ZSWIM8: variants seen among roughly 807,000 people sequenced by gnomAD.
ZSWIM8 encodes zinc finger SWIM-type containing 8.
A neutral mutation model predicts 173.7 loss-of-function variants in ZSWIM8; 27 were observed. The observed-to-expected ratio is 0.16, with a 90% CI of 0.11 to 0.21. The LOEUF (loss-of-function observed/expected upper bound fraction) is 0.21, where lower values mean the gene tolerates loss of function less well. Ranked by LOEUF, ZSWIM8 falls within the 10% of genes least tolerant of loss-of-function variation. ZSWIM8 has a pLI of 1.00. For missense variants in ZSWIM8, 1,627 were observed against 2,428.8 expected (o/e 0.67, Z 6.94); for synonymous variants, 958 against 962.0 (o/e 1.00, Z 0.08).
Position 73,801,791 on chromosome 10 carries a change from C to G in ZSWIM8, c.*272C>G, listed in dbSNP as rs1302425427. The G allele has an allele frequency of 6.5e-6, 9 of 1,389,370 alleles. No individual in the cohort carries two copies. The highest frequency in any genetic ancestry group is 8.5e-6 in the Non-Finnish European group (9 of 1,058,944). The allele number at this position is 1,389,370 out of a possible 1,614,324, so 86.1% of individuals were successfully genotyped here. On this transcript the variant is annotated 3_prime_UTR_variant, in exon 26 of 26. Coordinates refer to ENST00000604729, the MANE Select transcript of ZSWIM8 (RefSeq NM_001367799.1). The surrounding 1 kb of genome is among the most constrained non-coding windows in gnomAD (Gnocchi z 4.9). ...TAAATATATAAACTCCTTTTTTACT[C>G]TAGTCGACCTGGGCCTTTCCCTTCT... is the stretch of plus-strand genomic sequence containing the variant.
At chr10:73,795,795 C>CA (rs1486762815) in intron 15 of ZSWIM8, 132 bp downstream of exon 15, 6 of 945,914 alleles carry the variant, frequency 6.3e-6, no homozygotes, top group Non-Finnish European at 7.5e-6. Flanking sequence ...CCGTCTCTAC[C>CA]AAAAAATACA....
Position 73,794,593 on chromosome 10 carries a change from A to G in ZSWIM8, c.2862A>G (p.Thr954=), listed in dbSNP as rs1285300717. The change falls in exon 14 of 26, where the codon ACA becomes ACG. Residue 954 remains threonine, a synonymous_variant. Transcript: ENST00000604729. ...RPPSRNWNSE[T]PGDEELGFEA... ...CAAGTCGCAACTGGAACAGCGAGAC[A>G]CCTGGGGATGAGGAGCTTGGATTTG... is the stretch of plus-strand genomic sequence containing the variant. The G allele has an allele frequency of 1.3e-6, 2 of 1,558,312 alleles. No homozygotes were observed. Among genetic ancestry groups the G allele is most frequent in the Non-Finnish European group, 8.7e-7 (1 of 1,150,374 alleles).
chr10:73,788,781 G>A lies in ZSWIM8; in HGVS notation c.320G>A (p.Arg107Gln), dbSNP rs2083310644. The A allele has an allele frequency of 1.2e-6, 2 of 1,613,908 alleles. No homozygotes were observed. The highest frequency in any genetic ancestry group is 1.7e-6 in the Non-Finnish European group (2 of 1,179,880). Residue 107 changes from arginine to glutamine, a missense_variant, in exon 2 of 26, where the codon CGA becomes CAA. Physicochemically the swap from Arg to Gln is conservative, Grantham distance 43. Transcript: ENST00000604729. ...CCAGTGCCTGAGCAGCTACAGCTCC[G>A]AATTGCTTTTTGGAGCTTCCCTGAG... ...YPPVPEQLQL[R>Q]IAFWSFPENE... is the part of the protein sequence containing the mutation.
Position 73,792,139 on chromosome 10 carries a change from C to T in ZSWIM8, c.1600C>T (p.Leu534Phe), listed in dbSNP as rs969642940. 6.5e-7 allele frequency: 1 copy of T among 1,532,528 alleles called. No individual in the cohort carries two copies. The highest frequency in any genetic ancestry group is 1.3e-5 in the South Asian group (1 of 78,772). 94.9% of individuals were successfully genotyped at this position (1,532,528 alleles called of 1,614,324 possible). A position where few individuals can be genotyped will look rare whatever the true frequency, so the allele number is the denominator to read the frequency against. The change falls in exon 10 of 26, where the codon CTT (leucine) becomes TTT (phenylalanine). Residue 534 changes from leucine (L) to phenylalanine (F), a missense_variant. By Grantham distance (22) the Leu-to-Phe change is conservative. Around this residue, in one of 18 missense-constraint regions of ZSWIM8, gnomAD observed 383 missense variants for 394.8 expected, o/e 0.97. Coordinates refer to ENST00000604729, the MANE Select transcript of ZSWIM8 (RefSeq NM_001367799.1). This position sits in a 1 kb window ranked among gnomAD's most constrained non-coding sequence, Gnocchi z 4.3. ...GGAATCCCGGGACCGGCCCCGACCCCTTCCTACTGAGCCAGCTGTGCGGCC... is the reference window on the plus strand; with the variant it reads ...GGAATCCCGGGACCGGCCCCGACCCTTTCCTACTGAGCCAGCTGTGCGGCC... ...LEESRDRPRP[L>F]PTEPAVRPKE...
chr10:73,800,946 G>A lies in ZSWIM8; in HGVS notation c.5123-71G>A. The A allele has an allele frequency of 2.8e-6, 4 of 1,443,554 alleles. No individual in the cohort carries two copies. Among genetic ancestry groups the A allele is most frequent in the Non-Finnish European group, 3.8e-6 (4 of 1,065,598 alleles). The allele number at this position is 1,443,554 out of a possible 1,614,324, so 89.4% of individuals were successfully genotyped here. ...GGAGGCTCTCTGCCAGGCCAGAGCT[G>A]AGATCTGTAAGTTGGGTCCCTAGGG... On this transcript the variant is annotated intron_variant, in intron 24 of 25. Transcript: ENST00000604729. The surrounding 1 kb of genome is among the most constrained non-coding windows in gnomAD (Gnocchi z 4.1).
rs781732357 is a variant in ZSWIM8 at position 73,800,719 on chromosome 10, T to C, written c.5082T>C (p.Thr1694=). The part of the protein sequence containing the change: ...PNNFSRSPPY[T]DDVKWLLGLA... ...ACTTCTCCCGCTCCCCCCCCTACAC[T>C]GATGATGTCAAATGGTTGCTGGGGC... The change falls in exon 24 of 26, where the codon ACT becomes ACC. Residue 1694 remains threonine, a synonymous_variant. Transcript: ENST00000604729. The surrounding 1 kb of genome is among the most constrained non-coding windows in gnomAD (Gnocchi z 4.1). The C allele has an allele frequency of 4.3e-6, 7 of 1,612,578 alleles. No individual in the cohort carries two copies. Among genetic ancestry groups the C allele is most frequent in the Non-Finnish European group, 5.9e-6 (7 of 1,179,358 alleles).
Position 73,785,826 on chromosome 10 carries a change from G to T in ZSWIM8, c.-53G>T, listed in dbSNP as rs1253699029. ...GCCTCCCCTCAACCCCCGGCCGGCGGCCCAGGCCCCGGATCCGCGGGGGGG... is the reference window on the plus strand; with the variant it reads ...GCCTCCCCTCAACCCCCGGCCGGCGTCCCAGGCCCCGGATCCGCGGGGGGG... On this transcript the variant is annotated 5_prime_UTR_variant, in exon 1 of 26. Coordinates refer to ENST00000604729, the MANE Select transcript of ZSWIM8 (RefSeq NM_001367799.1). 6.8e-7 allele frequency: 1 copy of T among 1,461,968 alleles called. No homozygotes were observed. The highest frequency in any genetic ancestry group is 9.0e-7 in the Non-Finnish European group (1 of 1,105,444). 90.6% of individuals were successfully genotyped at this position (1,461,968 alleles called of 1,614,324 possible).
chr10:73,788,964 C>T, intron 2 of ZSWIM8, 132 bp from the exon 3 acceptor site: 1 of 516,350 alleles, frequency 1.9e-6, no homozygotes, highest in Non-Finnish European at 3.4e-6. Flanking sequence ...GGATTCCACT[C>T]CCTCCCCCCC....
In ZSWIM8 at chr10:73,799,010, G is replaced by A; in HGVS notation, c.4185G>A (p.Leu1395=). ...GTGCCCCTCTCTTCCAGGACAACCT[G>A]ATGTTGGAGAAGGCCTGCATGGCAG... ...ALVQCKEQDN[L]MLEKACMAVE... The change falls in exon 21 of 26, where the codon CTG becomes CTA. Residue 1395 remains leucine, a synonymous_variant. Transcript: ENST00000604729. 1.2e-6 allele frequency: 2 copies of A among 1,608,514 alleles called. No individual in the cohort carries two copies. The highest frequency in any genetic ancestry group is 8.5e-7 in the Non-Finnish European group (1 of 1,176,200).
rs745642328 is a variant in ZSWIM8, at chr10:73,792,127, C to T, written c.1588C>T (p.Arg530Trp). ...RSGGLEESRDRPRPLPTEPAV... is the reference protein window; with the variant it reads ...RSGGLEESRDWPRPLPTEPAV... Reference sequence around the variant, plus strand: ...TGGGGGCCTGGAGGAATCCCGGGACCGGCCCCGACCCCTTCCTACTGAGCC... The same window carrying T: ...TGGGGGCCTGGAGGAATCCCGGGACTGGCCCCGACCCCTTCCTACTGAGCC... The change falls in exon 10 of 26, where the codon CGG becomes TGG. Residue 530 changes from arginine to tryptophan, a missense_variant. Transcript: ENST00000604729. This position sits in a 1 kb window ranked among gnomAD's most constrained non-coding sequence, Gnocchi z 4.3. 5 of 1,524,918 alleles carry T rather than the reference C, an allele frequency of 3.3e-6. No homozygotes were observed. Among genetic ancestry groups the T allele is most frequent in the East Asian group, 2.3e-5 (1 of 42,696 alleles). The allele number at this position is 1,524,918 out of a possible 1,614,324, so 94.5% of individuals were successfully genotyped here. A position where few individuals can be genotyped will look rare whatever the true frequency, so the allele number is the denominator to read the frequency against.
intron 19 of ZSWIM8, 70 bp downstream of exon 19, chr10:73,798,140 G>T: frequency 6.3e-7 from 1 of 1,593,258 alleles, no homozygotes; most frequent in Non-Finnish European, 8.6e-7. Context: ...TTATCTTTGT[G>T]GGGTTACTGA....
chr10:73,788,240 T>TAA (rs71482558), intron 1 of ZSWIM8, among the ~76,000 whole-genome samples: 29 of 135,444 alleles, frequency 2.1e-4, no homozygotes, highest in African/African-American at 7.7e-4. Flanking sequence ...AAGGGATGGT[T>TAA]AAAAAAAAAA....
In ZSWIM8 at chr10:73,793,891, C is replaced by T. The variant is rs1287619130; in HGVS notation, c.2472C>T (p.Ser824=). ...GCAAGAAGAACAAGGTATCCACGAG[C>T]CGTCAGACCTGGGTGGCTACCAACA... ...AKGKKNKVST[S]RQTWVATNTL... The change falls in exon 12 of 26, where the codon AGC becomes AGT. Residue 824 remains serine, a synonymous_variant. Coordinates refer to ENST00000604729, the MANE Select transcript of ZSWIM8 (RefSeq NM_001367799.1). 2 of 1,611,204 alleles carry T rather than the reference C, an allele frequency of 1.2e-6. No individual in the cohort carries two copies. The highest frequency in any genetic ancestry group is 1.7e-6 in the Non-Finnish European group (2 of 1,178,978).
chr10:73,790,402 T>G (rs993414450), intron 7 of ZSWIM8, 110 bp downstream of exon 7: 33 of 1,462,876 alleles, frequency 2.3e-5, no homozygotes, highest in Non-Finnish European at 2.8e-5. Context: ...TTTTATTCCC[T>G]GAACTGGCAC....
rs2083404618 is a variant in ZSWIM8 at position 73,791,234 on chromosome 10, C to T, written c.1143+58C>T. The T allele has an allele frequency of 1.9e-6, 3 of 1,568,548 alleles. No individual in the cohort carries two copies. Among genetic ancestry groups the T allele is most frequent in the Non-Finnish European group, 2.6e-6 (3 of 1,151,354 alleles). ...GCTCATTCTTTCCCTCCCCCTGCCTCATCCTCCTCTTGCTGAAATGGACTC... is the reference window on the plus strand; with the variant it reads ...GCTCATTCTTTCCCTCCCCCTGCCTTATCCTCCTCTTGCTGAAATGGACTC... On this transcript the variant is annotated intron_variant, in intron 8 of 25. Coordinates refer to ENST00000604729, the MANE Select transcript of ZSWIM8 (RefSeq NM_001367799.1). The surrounding 1 kb of genome is among the most constrained non-coding windows in gnomAD (Gnocchi z 6.0).
chr10:73,800,997 C>T lies in ZSWIM8; in HGVS notation c.5123-20C>T, dbSNP rs1430146662. 2 of 1,533,784 alleles carry T rather than the reference C, an allele frequency of 1.3e-6. No individual in the cohort carries two copies. Among genetic ancestry groups the T allele is most frequent in the Non-Finnish European group, 1.8e-6 (2 of 1,133,950 alleles). Reference sequence around the variant, plus strand: ...CAGAGGTGGCCACCCCCGTCTCATGCCCCTCCCCCTGCCCCCCAGGAGTGA... The same window carrying T: ...CAGAGGTGGCCACCCCCGTCTCATGTCCCTCCCCCTGCCCCCCAGGAGTGA... On this transcript the variant is annotated intron_variant, in intron 24 of 25. Coordinates refer to ENST00000604729, the MANE Select transcript of ZSWIM8 (RefSeq NM_001367799.1). The surrounding 1 kb of genome is among the most constrained non-coding windows in gnomAD (Gnocchi z 4.1).
At chr10:73,793,508 G>A in intron 10 of ZSWIM8, 80 bp from the exon 11 acceptor site, 1 of 1,478,548 alleles carries the variant, frequency 6.8e-7, no homozygotes, top group Non-Finnish European at 9.1e-7. Flanking sequence ...TTCAAGGAAT[G>A]TTGGCTGCAT....
chr10:73,792,110 T>C lies in ZSWIM8; in HGVS notation c.1571T>C (p.Leu524Pro). 6.5e-7 allele frequency: 1 copy of C among 1,533,064 alleles called. No individual in the cohort carries two copies. Among genetic ancestry groups the C allele is most frequent in the Non-Finnish European group, 8.8e-7 (1 of 1,135,960 alleles). 95.0% of individuals were successfully genotyped at this position (1,533,064 alleles called of 1,614,324 possible). Residue 524 changes from leucine (L) to proline (P), a missense_variant, in exon 10 of 26, where the codon CTG becomes CCG. Physicochemically the swap from Leu to Pro is moderately conservative, Grantham distance 98. Transcript: ENST00000604729. This position sits in a 1 kb window ranked among gnomAD's most constrained non-coding sequence, Gnocchi z 4.3. The part of the protein sequence containing the change: ...SRPGASRSGG[L>P]EESRDRPRPL... Reference sequence around the variant, plus strand: ...CCAGGTGCCTCCCGCTCTGGGGGCCTGGAGGAATCCCGGGACCGGCCCCGA... The same window carrying C: ...CCAGGTGCCTCCCGCTCTGGGGGCCCGGAGGAATCCCGGGACCGGCCCCGA...
chr10:73,796,350 T>TAA, intron 15 of ZSWIM8: 14 of 371,916 alleles, frequency 3.8e-5, no homozygotes, highest in Admixed American at 1.3e-4. Context: ...CCCTGTCTCT[T>TAA]AAAAAAAAAA....
Sources: allele counts gnomAD v4.1 joint callset (sites outside exome capture counted in the v4.1 genomes callset), GRCh38; gene constraint gnomAD v4.1.1; regional missense constraint gnomAD v4.1.1; non-coding constraint Gnocchi (gnomAD v3.1); transcripts MANE v1.5; gene names NCBI Gene and HGNC (gene_info 2026-07-23, HGNC 2026-07-21).